The following TRIM44 variants were observed in gnomAD, a reference collection of about 807,000 sequenced individuals.
The protein encoded by TRIM44 is tripartite motif-containing protein 44.
In TRIM44, 13 loss-of-function variants were observed where a neutral mutation model predicts 37.4. The ratio of observed to expected loss-of-function variants is 0.35; its 90% CI spans 0.23 to 0.55. The LOEUF (loss-of-function observed/expected upper bound fraction) is 0.55, where lower values mean the gene tolerates loss of function less well. Among genes scored for constraint, TRIM44 ranks in the 20% least tolerant of loss-of-function variants. The pLI, the probability that TRIM44 is intolerant of heterozygous loss-of-function variation, is 0.89. For missense variants in TRIM44, 426 were observed against 437.2 expected (o/e 0.97, Z 0.23); for synonymous variants, 175 against 157.2 (o/e 1.11, Z -0.85).
At chr11:35,769,434 A>T (rs139214098) in intron 4 of TRIM44, among the ~76,000 whole-genome samples, 15 of 152,316 alleles carry the variant, frequency 9.8e-5, no homozygotes, top group African/African-American at 3.6e-4. Flanking sequence ...TCGCACCCTG[A>T]GGGAGGTCAC....
At chr11:35,688,710 T>C (rs945806528) in intron 2 of TRIM44, among the ~76,000 whole-genome samples, 1 of 152,218 alleles carries the variant, frequency 6.6e-6, no homozygotes, top group Non-Finnish European at 1.5e-5. Flanking sequence ...TAAACTTCAG[T>C]GTACATGAAA....
intron 3 of TRIM44, among the ~76,000 whole-genome samples, chr11:35,728,016 GTTC>G (rs1258287356): frequency 6.6e-6 from 1 of 152,184 alleles, no homozygotes; most frequent in East Asian, 1.9e-4. Flanking sequence ...TGATTAGGTT[GTTC>G]TTTGAAAAAT....
intron 2 of TRIM44, among the ~76,000 whole-genome samples, chr11:35,700,284 C>G (rs1306323299): frequency 6.6e-6 from 1 of 152,156 alleles, no homozygotes; most frequent in Non-Finnish European, 1.5e-5. Context: ...TAAATTTAGT[C>G]AAGGTGTTCA....
At chr11:35,772,388 G>C (rs554388743) in intron 4 of TRIM44, among the ~76,000 whole-genome samples, 1 of 152,192 alleles carries the variant, frequency 6.6e-6, no homozygotes, top group Admixed American at 6.5e-5. Flanking sequence ...ACCCCAGAAT[G>C]GTAGATCACC....
rs1851302550 is a variant in TRIM44, at chr11:35,663,708, C to T, written c.597C>T (p.Val199=). 3 of 1,614,124 alleles carry T rather than the reference C, an allele frequency of 1.9e-6. No individual in the cohort carries two copies. Among genetic ancestry groups the T allele is most frequent in the African/African-American group, 1.3e-5 (1 of 75,028 alleles). ...YCQEDRQLIC[V]LCPVIGAHQG... The stretch of plus-strand genomic sequence containing the variant: ...AGGAAGATAGGCAGCTCATCTGTGT[C>T]CTGTGTCCAGTCATTGGGGCTCACC... Residue 199 remains valine (V), a synonymous_variant, in exon 1 of 5, where the codon GTC becomes GTT. Coordinates refer to ENST00000299413, the MANE Select transcript of TRIM44 (RefSeq NM_017583.6).
At chr11:35,799,439 C>T (rs1441377738) in intron 4 of TRIM44, among the ~76,000 whole-genome samples, 1 of 152,144 alleles carries the variant, frequency 6.6e-6, no homozygotes, top group Non-Finnish European at 1.5e-5. Flanking sequence ...TCTTCTTCTT[C>T]TATAGTAATC....
At position 35,806,463 on chromosome 11, in the gene TRIM44, T is replaced by G. The variant is rs1303192449; in HGVS notation, c.*78T>G. On this transcript the variant is annotated 3_prime_UTR_variant, in exon 5 of 5. Transcript: ENST00000299413. ...AGCGTGTATGTAACGGCTTCTGATT[T>G]CTGTGAAAGCTGCTCAGCAACAAAC... 6.5e-7 allele frequency: 1 copy of G among 1,527,988 alleles called. No individual in the cohort carries two copies. Among genetic ancestry groups the G allele is most frequent in the African/African-American group, 1.4e-5 (1 of 73,222 alleles). The allele number at this position is 1,527,988 out of a possible 1,614,324, so 94.7% of individuals were successfully genotyped here.
intron 4 of TRIM44, among the ~76,000 whole-genome samples, chr11:35,795,573 C>T (rs762922766): frequency 3.3e-5 from 5 of 151,978 alleles, no homozygotes; most frequent in East Asian, 1.9e-4. Flanking sequence ...TAGCTGTCAC[C>T]GTCTTTATTT....
intron 1 of TRIM44, among the ~76,000 whole-genome samples, chr11:35,683,372 G>C (rs572905911): frequency 1.2e-4 from 18 of 152,320 alleles, no homozygotes; most frequent in Admixed American, 1.2e-3. Flanking sequence ...TAGTCATGTT[G>C]TGTCTGATTT....
At chr11:35,722,663 T>A (rs935954562) in intron 2 of TRIM44, among the ~76,000 whole-genome samples, 1 of 152,206 alleles carries the variant, frequency 6.6e-6, no homozygotes, top group African/African-American at 2.4e-5. Flanking sequence ...CTCATCGCCA[T>A]CCTATTTTAG....
At chr11:35,760,105 G>T (rs1457742050) in intron 4 of TRIM44, among the ~76,000 whole-genome samples, 1 of 152,220 alleles carries the variant, frequency 6.6e-6, no homozygotes, top group African/African-American at 2.4e-5. Flanking sequence ...AGCCTACAGA[G>T]GCAGGCAGGC....
At chr11:35,749,769 A>T (rs974076282) in intron 4 of TRIM44, among the ~76,000 whole-genome samples, 6 of 152,254 alleles carry the variant, frequency 3.9e-5, no homozygotes, top group African/African-American at 1.4e-4. Flanking sequence ...TTGACAAACT[A>T]ATAAGTTAAT....
intron 4 of TRIM44, among the ~76,000 whole-genome samples, chr11:35,768,380 A>G (rs2133864280): frequency 6.6e-6 from 1 of 152,302 alleles, no homozygotes; most frequent in African/African-American, 2.4e-5. Context: ...TCACACAGCT[A>G]GTTGAAGGTC....
At chr11:35,753,204 G>A (rs577973843) in intron 4 of TRIM44, among the ~76,000 whole-genome samples, 7 of 151,270 alleles carry the variant, frequency 4.6e-5, no homozygotes, top group African/African-American at 1.7e-4. Context: ...TGATACAATT[G>A]GGGGGGGAGT....
intron 1 of TRIM44, among the ~76,000 whole-genome samples, chr11:35,681,588 C>T (rs1162276002): frequency 6.6e-6 from 1 of 152,150 alleles, no homozygotes; most frequent in Non-Finnish European, 1.5e-5. Context: ...GCAGGGGAAT[C>T]CTACTACTTT....
rs1851292454 is a variant in TRIM44, at chr11:35,663,237, C to G, written c.126C>G (p.Arg42=). 2 of 1,608,634 alleles carry G rather than the reference C, an allele frequency of 1.2e-6. No homozygotes were observed. The highest frequency in any genetic ancestry group is 1.7e-6 in the Non-Finnish European group (2 of 1,175,982). Residue 42 remains arginine, a synonymous_variant, in exon 1 of 5, where the codon CGC becomes CGG. Transcript: ENST00000299413. ...VCRECGFCYC[R]RHAEAHRQKF... is the part of the protein sequence containing the mutation. ...GAGAATGCGGCTTCTGCTACTGCCG[C>G]CGCCATGCCGAGGCGCACAGGCAGA...
chr11:35,747,980 C>T (rs1249638521), intron 4 of TRIM44, among the ~76,000 whole-genome samples: 22 of 152,120 alleles, frequency 1.4e-4, no homozygotes, highest in Admixed American at 1.4e-3. Context: ...GGCACAGATG[C>T]TCCAGCCCAG....
chr11:35,680,290 T>C (rs1725315450), intron 1 of TRIM44, among the ~76,000 whole-genome samples: 1 of 152,212 alleles, frequency 6.6e-6, no homozygotes, highest in Admixed American at 6.5e-5. Context: ...ATCTTAATTA[T>C]GCAATTAATA....
At position 35,723,083 on chromosome 11, in the gene TRIM44, G is replaced by GTC. The variant is rs771514117; in HGVS notation, c.748-2829_748-2828dup. Among the ~76,000 whole-genome samples, 6 of 139,514 alleles carry GTC rather than the reference G, an allele frequency of 4.3e-5. No homozygotes were observed. The East Asian group carries it at 6.5e-4, about 15-fold the overall frequency. 91.5% of individuals were successfully genotyped at this position (139,514 alleles called of 152,430 possible). The stretch of plus-strand genomic sequence containing the variant: ...CCCCTTCCAACTCTCTCCCTCCCTC[G>GTC]TCTCTCTCTCTCTTTCTCTATCTCT... On this transcript the variant is annotated intron_variant, in intron 2 of 4. Transcript: ENST00000299413.
Sources: allele counts gnomAD v4.1 joint callset (sites outside exome capture counted in the v4.1 genomes callset), GRCh38; gene constraint gnomAD v4.1.1; transcripts MANE v1.5; gene names NCBI Gene and HGNC (gene_info 2026-07-23, HGNC 2026-07-21).